CTNND2: variants seen among roughly 807,000 people sequenced by gnomAD.
The protein encoded by CTNND2 is catenin delta 2.
A neutral mutation model predicts 144.4 loss-of-function variants in CTNND2; 22 were observed. The ratio of observed to expected loss-of-function variants is 0.15; its 90% CI spans 0.11 to 0.22. CTNND2 has a LOEUF of 0.22. Among genes scored for constraint, CTNND2 ranks in the 10% least tolerant of loss-of-function variants. The pLI is 1.00. For synonymous variants in CTNND2, 751 were observed against 695.6 expected (o/e 1.08, Z -1.25); for missense variants, 1,353 against 1,618.8 (o/e 0.84, Z 2.82).
chr5:11,611,008 T>G lies in CTNND2; in HGVS notation c.175-45952A>C, dbSNP rs1436627009. 3.9e-5 allele frequency among the ~76,000 whole-genome samples: 6 copies of G among 152,288 alleles called. No individual in the cohort carries two copies. The East Asian group carries it at 1.2e-3, about 29-fold the overall frequency. The stretch of plus-strand genomic sequence containing the variant: ...CTGTGTCCCCACCCAAATCTCATCT[T>G]GAATTGTAGTTCCCATATTCTCCAT... On this transcript the variant is annotated intron_variant, in intron 2 of 21. Coordinates refer to ENST00000304623, the MANE Select transcript of CTNND2 (RefSeq NM_001332.4).
intron 2 of CTNND2, among the ~76,000 whole-genome samples, chr5:11,710,526 C>T (rs1416400309): frequency 1.5e-5 from 2 of 137,184 alleles, no homozygotes; most frequent in South Asian, 2.3e-4. Flanking sequence ...GGGCCAAAGG[C>T]GAGACTCCAT....
At chr5:11,655,297 A>C (rs754112807) in intron 2 of CTNND2, among the ~76,000 whole-genome samples, 40 of 152,128 alleles carry the variant, frequency 2.6e-4, no homozygotes, top group Non-Finnish European at 2.1e-4. Flanking sequence ...TAACCTGTTA[A>C]GGAAACATTG....
In CTNND2 at chr5:11,428,133, G is replaced by A. The variant is rs1304110536; in HGVS notation, c.288-16064C>T. Among the ~76,000 whole-genome samples the A allele has an allele frequency of 3.9e-5, 6 of 152,054 alleles. 1 individual carries two copies. The highest frequency in any genetic ancestry group is 3.9e-4 in the Admixed American group (6 of 15,274). On this transcript the variant is annotated intron_variant, in intron 3 of 21. Transcript: ENST00000304623. Reference sequence around the variant, plus strand: ...TTCCCCTGGGTCCCTCCTATAACACGTGGGAATTCTGGGAGACACAATTCA... The same window carrying A: ...TTCCCCTGGGTCCCTCCTATAACACATGGGAATTCTGGGAGACACAATTCA...
chr5:11,745,392 A>G (rs1373728749), intron 1 of CTNND2, among the ~76,000 whole-genome samples: 1 of 152,118 alleles, frequency 6.6e-6, no homozygotes, highest in Non-Finnish European at 1.5e-5. Context: ...GGCTAGTACA[A>G]TGAGGCTGAA....
chr5:11,547,158 C>T (rs1264948100), intron 3 of CTNND2, among the ~76,000 whole-genome samples: 1 of 152,062 alleles, frequency 6.6e-6, no homozygotes, highest in East Asian at 1.9e-4. Context: ...ATCTCAGCTA[C>T]TTAGGAAGCT....
chr5:11,765,022 G>A (rs1286837326), intron 1 of CTNND2, among the ~76,000 whole-genome samples: 1 of 151,910 alleles, frequency 6.6e-6, no homozygotes, highest in African/African-American at 2.4e-5. Context: ...CAATAAGTGA[G>A]TCATTAATCC....
intron 18 of CTNND2, among the ~76,000 whole-genome samples, chr5:11,008,840 A>G (rs532570215): frequency 4.6e-5 from 7 of 152,248 alleles, no homozygotes; most frequent in Middle Eastern, 3.4e-3. Context: ...AAGCCCAGGG[A>G]GTGGACTATG....
At chr5:11,392,052 G>C (rs154752) in intron 6 of CTNND2, among the ~76,000 whole-genome samples, 51,134 of 152,070 alleles carry the variant, frequency 0.34, 10,382 homozygotes, top group East Asian at 0.52. Flanking sequence ...AAATTATGGA[G>C]GAGGGGGAGA....
intron 9 of CTNND2, among the ~76,000 whole-genome samples, chr5:11,319,817 G>A (rs1157056389): frequency 6.6e-6 from 1 of 152,036 alleles, no homozygotes; most frequent in Non-Finnish European, 1.5e-5. Flanking sequence ...CACTGTGCAT[G>A]GCCTGAAGAA....
intron 11 of CTNND2, among the ~76,000 whole-genome samples, chr5:11,171,845 C>T (rs1001818264): frequency 6.6e-6 from 1 of 152,020 alleles, no homozygotes; most frequent in Non-Finnish European, 1.5e-5. Context: ...AGAAAACATT[C>T]AGGTATCAAG....
chr5:11,714,308 AT>A (rs997586296), intron 2 of CTNND2, among the ~76,000 whole-genome samples: 20 of 151,590 alleles, frequency 1.3e-4, no homozygotes, highest in Admixed American at 5.9e-4. Context: ...GATAATGACA[AT>A]TTTTTTTTAT....
intron 16 of CTNND2, among the ~76,000 whole-genome samples, chr5:11,067,189 G>T (rs1217182490): frequency 1.6e-4 from 25 of 152,132 alleles, no homozygotes; most frequent in Admixed American, 1.6e-3. Flanking sequence ...AATCGTCCAG[G>T]TATTGATATA....
rs566151709 is a variant in CTNND2 at position 11,282,764 on chromosome 5, T to A, written c.1629-45941A>T. The stretch of plus-strand genomic sequence containing the variant: ...TATAGAACAATAAGCCATGAGTAAG[T>A]GCAATGCTTTTAAATTATTCCTTTT... On this transcript the variant is annotated intron_variant, in intron 9 of 21. Transcript: ENST00000304623. 2.6e-5 allele frequency among the ~76,000 whole-genome samples: 4 copies of A among 152,372 alleles called. No homozygotes were observed. In the Middle Eastern group the frequency reaches 0.01, roughly 389 times the overall value.
intron 12 of CTNND2, among the ~76,000 whole-genome samples, chr5:11,156,392 T>C (rs1319517267): frequency 1.3e-5 from 2 of 152,020 alleles, no homozygotes; most frequent in African/African-American, 4.8e-5. Context: ...AAATCAAGAG[T>C]AATGATTTTC....
At chr5:11,158,484 T>C (rs183736265) in intron 12 of CTNND2, among the ~76,000 whole-genome samples, 30 of 152,278 alleles carry the variant, frequency 2.0e-4, no homozygotes, top group Non-Finnish European at 4.3e-4. Flanking sequence ...AAAAGCAGAA[T>C]TGTCAGAGGA....
At chr5:11,274,686 C>T (rs1184524476) in intron 9 of CTNND2, among the ~76,000 whole-genome samples, 1 of 150,508 alleles carries the variant, frequency 6.6e-6, no homozygotes, top group African/African-American at 2.4e-5. Context: ...TCAAGTCTAA[C>T]AATTAATTAT....
At chr5:11,047,005 T>C (rs13161426) in intron 16 of CTNND2, among the ~76,000 whole-genome samples, 11,140 of 152,238 alleles carry the variant, frequency 0.073, 536 homozygotes, top group Non-Finnish European at 0.1. Context: ...ACCAACATTA[T>C]TGGGGACAGA....
chr5:11,653,507 A>G (rs975888783), intron 2 of CTNND2, among the ~76,000 whole-genome samples: 1 of 152,058 alleles, frequency 6.6e-6, no homozygotes, highest in South Asian at 2.1e-4. Flanking sequence ...CCCTTTTTAT[A>G]TACCTGTTGG....
chr5:11,451,518 C>T (rs972191746), intron 3 of CTNND2, among the ~76,000 whole-genome samples: 1 of 152,200 alleles, frequency 6.6e-6, no homozygotes, highest in Admixed American at 6.5e-5. Context: ...AAAGGAAATG[C>T]TCCTTGGAGC....
Sources: gnomAD v4.1 joint callset for allele counts (sites outside exome capture counted in the v4.1 genomes callset) on GRCh38, gnomAD v4.1.1 for gene constraint, MANE v1.5 for transcripts, NCBI Gene and HGNC (gene_info 2026-07-23, HGNC 2026-07-21) for gene names.